The following BMPER variants were observed in gnomAD, a reference collection of about 807,000 sequenced individuals.
BMPER encodes the protein BMP binding endothelial regulator.
BMPER carries 45 observed loss-of-function variants against 87.3 expected under a neutral mutation model. The observed-to-expected ratio is 0.52, with a 90% CI of 0.41 to 0.66. BMPER has a LOEUF of 0.66. BMPER is among the 30% of genes least tolerant of loss of function. The probability of loss-of-function intolerance (pLI) is 0.00; values close to 1 mark genes in which losing one functional copy is unlikely to be tolerated. For missense variants in BMPER, 784 were observed against 867.5 expected (o/e 0.90, Z 1.21); for synonymous variants, 326 against 316.2 (o/e 1.03, Z -0.33).
At chr7:34,004,453 A>G (rs1418253341) in intron 6 of BMPER, among the ~76,000 whole-genome samples, 2 of 151,968 alleles carry the variant, frequency 1.3e-5, no homozygotes, top group Admixed American at 6.6e-5. Context: ...GTTTTTTTGC[A>G]TATCTCATTT....
chr7:34,144,419 T>G (rs4723354), intron 14 of BMPER, among the ~76,000 whole-genome samples: 23,511 of 149,774 alleles, frequency 0.16, 2,188 homozygotes, highest in Non-Finnish European at 0.2. Flanking sequence ...CAAGCCTCTT[T>G]CTGCTTTCCA....
intron 6 of BMPER, among the ~76,000 whole-genome samples, chr7:33,979,555 G>A (rs1241478047): frequency 6.6e-6 from 1 of 152,042 alleles, no homozygotes; most frequent in Non-Finnish European, 1.5e-5. Context: ...AGTACACTGA[G>A]AAAGAGTAAT....
intron 11 of BMPER, among the ~76,000 whole-genome samples, chr7:34,073,591 C>T (rs1243002609): frequency 1.3e-5 from 2 of 152,144 alleles, no homozygotes; most frequent in Admixed American, 6.5e-5. Flanking sequence ...CTGAGGGGTA[C>T]ACATAAAACT....
intron 14 of BMPER, among the ~76,000 whole-genome samples, chr7:34,146,728 C>A (rs1327881373): frequency 6.6e-6 from 1 of 152,094 alleles, no homozygotes; most frequent in Non-Finnish European, 1.5e-5. Flanking sequence ...GGGAGTTGAA[C>A]CCAGGTCAGC....
At chr7:33,927,652 A>G (rs927969467) in intron 2 of BMPER, among the ~76,000 whole-genome samples, 3 of 152,130 alleles carry the variant, frequency 2.0e-5, no homozygotes, top group Middle Eastern at 3.4e-3. Flanking sequence ...GGAGTTACCT[A>G]ATATTATTAC....
intron 2 of BMPER, among the ~76,000 whole-genome samples, chr7:33,930,348 A>G (rs1784452614): frequency 6.6e-6 from 1 of 152,160 alleles, no homozygotes; most frequent in Admixed American, 6.5e-5. Context: ...CAATTTTACT[A>G]TCAGTAATGA....
In BMPER at chr7:34,051,967, C is replaced by T; in HGVS notation, c.783C>T (p.Cys261=). Residue 261 remains cysteine (C), a synonymous_variant, in exon 8 of 15, where the codon TGC becomes TGT. Coordinates refer to ENST00000649409, the MANE Select transcript of BMPER (RefSeq NM_001365308.1). ...ACGATAACTGCACAGCTTGTACCTG[C>T]AGGGTAAGGCAGCTCTGAGAGGCTG... ...FLYDNCTACT[C]RDSTVVCKRK... is the part of the protein sequence containing the mutation. The T allele has an allele frequency of 1.2e-6, 2 of 1,609,196 alleles. No homozygotes were observed. The highest frequency in any genetic ancestry group is 1.1e-5 in the South Asian group (1 of 90,990).
At chr7:34,125,133 C>T (rs1790368931) in intron 13 of BMPER, among the ~76,000 whole-genome samples, 1 of 152,240 alleles carries the variant, frequency 6.6e-6, no homozygotes, top group African/African-American at 2.4e-5. Context: ...TGTCTATGCT[C>T]TCCTTGTTAC....
chr7:34,113,652 A>C (rs56274923), intron 13 of BMPER, among the ~76,000 whole-genome samples: 46 of 152,008 alleles, frequency 3.0e-4, no homozygotes, highest in Non-Finnish European at 6.0e-4. Flanking sequence ...ATTAACATAG[A>C]TTAAGTTCTT....
intron 13 of BMPER, among the ~76,000 whole-genome samples, chr7:34,100,241 A>G (rs1789644047): frequency 6.6e-6 from 1 of 152,208 alleles, no homozygotes; most frequent in Admixed American, 6.5e-5. Context: ...TATCTATGCT[A>G]TGATATGTAT....
intron 2 of BMPER, among the ~76,000 whole-genome samples, chr7:33,922,719 C>T (rs1784264964): frequency 6.6e-6 from 1 of 152,034 alleles, no homozygotes; most frequent in Non-Finnish European, 1.5e-5. Context: ...TGGTGGAGAC[C>T]CACCTGTGAT....
At chr7:34,018,079 A>G (rs555903354) in intron 6 of BMPER, among the ~76,000 whole-genome samples, 1 of 151,868 alleles carries the variant, frequency 6.6e-6, no homozygotes, top group African/African-American at 2.4e-5. Flanking sequence ...CAGTGCTGCC[A>G]TCCAAAACCA....
intron 13 of BMPER, among the ~76,000 whole-genome samples, chr7:34,137,305 C>G (rs1447207562): frequency 6.6e-6 from 1 of 152,220 alleles, no homozygotes; most frequent in Non-Finnish European, 1.5e-5. Context: ...TTATGGCCAA[C>G]AGCTCCCGTG....
At chr7:34,067,653 G>T (rs1788628032) in intron 11 of BMPER, among the ~76,000 whole-genome samples, 1 of 152,148 alleles carries the variant, frequency 6.6e-6, no homozygotes, top group Admixed American at 6.5e-5. Context: ...GTTAACCTAA[G>T]TGGCCACTGA....
chr7:34,092,138 G>A (rs1188613966), intron 13 of BMPER, among the ~76,000 whole-genome samples: 2 of 152,160 alleles, frequency 1.3e-5, no homozygotes, highest in East Asian at 1.9e-4. Context: ...TACAGTCAAA[G>A]TGTGCACACT....
intron 13 of BMPER, among the ~76,000 whole-genome samples, chr7:34,137,855 G>A (rs966627368): frequency 6.6e-6 from 1 of 152,166 alleles, no homozygotes; most frequent in Non-Finnish European, 1.5e-5. Flanking sequence ...CCTTGAATTT[G>A]ATGCCAAGAA....
intron 14 of BMPER, among the ~76,000 whole-genome samples, chr7:34,149,169 G>T (rs1791107223): frequency 1.3e-5 from 2 of 152,142 alleles, no homozygotes. Context: ...ACTTGTCACA[G>T]TGACCCCCAG....
intron 2 of BMPER, among the ~76,000 whole-genome samples, chr7:33,913,448 T>A (rs1294099414): frequency 7.8e-6 from 1 of 127,876 alleles, no homozygotes; most frequent in East Asian, 1.9e-4. Flanking sequence ...ATATACAGAG[T>A]GTGAAGAGGC....
chr7:34,118,672 T>C (rs1300806539), intron 13 of BMPER, among the ~76,000 whole-genome samples: 2 of 152,204 alleles, frequency 1.3e-5, no homozygotes, highest in South Asian at 2.1e-4. Flanking sequence ...AGCAACCATA[T>C]ACAAATAGTC....
Sources: allele counts gnomAD v4.1 joint callset (sites outside exome capture counted in the v4.1 genomes callset), GRCh38; gene constraint gnomAD v4.1.1; transcripts MANE v1.5; gene names NCBI Gene and HGNC (gene_info 2026-07-23, HGNC 2026-07-21).